NLGN1: variants seen among roughly 807,000 people sequenced by gnomAD.
NLGN1 encodes the protein neuroligin 1.
Under a neutral mutation model 65.5 loss-of-function variants are expected in NLGN1, and 12 were observed. The ratio of observed to expected loss-of-function variants is 0.18; its 90% CI spans 0.12 to 0.30. NLGN1 has a LOEUF of 0.30. NLGN1 is among the 10% of genes least tolerant of loss of function. The pLI is 1.00. For synonymous variants in NLGN1, 350 were observed against 359.5 expected, an observed-to-expected ratio of 0.97 and a Z score of 0.30; for missense variants, 750 against 1,007.1, an observed-to-expected ratio of 0.74 and a Z score of 3.46.
At chr3:173,599,600 A>G (rs1750092925) in intron 2 of NLGN1, among the ~76,000 whole-genome samples, 1 of 152,156 alleles carries the variant, frequency 6.6e-6, no homozygotes, top group South Asian at 2.1e-4. Context: ...CTTATTTGTT[A>G]AATTAGTATT....
chr3:174,022,465 G>A (rs989790916), intron 4 of NLGN1, among the ~76,000 whole-genome samples: 9 of 152,134 alleles, frequency 5.9e-5, no homozygotes, highest in African/African-American at 2.2e-4. Context: ...TTTAAACACA[G>A]CCAATAATGG....
chr3:174,009,025 A>G (rs990070353), intron 4 of NLGN1, among the ~76,000 whole-genome samples: 9 of 152,166 alleles, frequency 5.9e-5, no homozygotes, highest in Non-Finnish European at 8.8e-5. Flanking sequence ...TGACTTAGCA[A>G]TGAACATTGT....
chr3:174,252,234 A>T (rs1157800678), intron 4 of NLGN1, among the ~76,000 whole-genome samples: 1 of 152,168 alleles, frequency 6.6e-6, no homozygotes, highest in East Asian at 1.9e-4. Flanking sequence ...CTTGTCTAAA[A>T]TAGTTAAGTG....
chr3:173,918,012 A>C (rs1260467808), intron 4 of NLGN1, among the ~76,000 whole-genome samples: 1 of 152,186 alleles, frequency 6.6e-6, no homozygotes, highest in Non-Finnish European at 1.5e-5. Flanking sequence ...AAACTGCAGT[A>C]AGAACACGTA....
chr3:173,634,780 A>G (rs572976232), intron 3 of NLGN1, among the ~76,000 whole-genome samples: 2 of 152,288 alleles, frequency 1.3e-5, no homozygotes, highest in East Asian at 3.9e-4. Flanking sequence ...AGAGTAAGGT[A>G]GTTTCTTCCC....
At chr3:173,554,121 C>T (rs932189272) in intron 2 of NLGN1, among the ~76,000 whole-genome samples, 1 of 151,938 alleles carries the variant, frequency 6.6e-6, no homozygotes, top group Non-Finnish European at 1.5e-5. Context: ...TTTGAATCCA[C>T]TTTATTTTTA....
intron 2 of NLGN1, among the ~76,000 whole-genome samples, chr3:173,601,007 C>T (rs560364004): frequency 6.6e-6 from 1 of 151,960 alleles, no homozygotes; most frequent in South Asian, 2.1e-4. Flanking sequence ...ATTTATGATG[C>T]ACTTTTAATT....
intron 4 of NLGN1, among the ~76,000 whole-genome samples, chr3:174,058,475 G>T (rs1736658245): frequency 1.3e-5 from 2 of 152,032 alleles, no homozygotes; most frequent in South Asian, 4.1e-4. Flanking sequence ...AACACAGAGA[G>T]ATTTTCATCT....
chr3:174,055,150 C>CTTTTTTTTT, intron 4 of NLGN1, among the ~76,000 whole-genome samples: 1 of 117,608 alleles, frequency 8.5e-6, no homozygotes, highest in Non-Finnish European at 1.8e-5. Flanking sequence ...AAGGAGCTTG[C>CTTTTTTTTT]TTTTTTTTTT....
At chr3:173,744,630 G>T (rs916107475) in intron 3 of NLGN1, among the ~76,000 whole-genome samples, 11 of 152,194 alleles carry the variant, frequency 7.2e-5, no homozygotes, top group African/African-American at 2.6e-4. Flanking sequence ...TACCACCACC[G>T]TTAGAAAGCA....
intron 3 of NLGN1, chr3:173,644,212 G>A (rs1020297481): frequency 1.3e-5 from 2 of 152,506 alleles, no homozygotes; most frequent in African/African-American, 4.8e-5. Flanking sequence ...TAAACAAGGA[G>A]CCAGCCCCAG....
chr3:174,085,198 AT>A (rs1479779674), intron 4 of NLGN1, among the ~76,000 whole-genome samples: 1 of 151,996 alleles, frequency 6.6e-6, no homozygotes, highest in Non-Finnish European at 1.5e-5. Flanking sequence ...AATTTGTATT[AT>A]ATTCTCTTTA....
Position 174,016,112 on chromosome 3 carries a change from G to A in NLGN1, c.646+208280G>A, listed in dbSNP as rs1457032794. Among the ~76,000 whole-genome samples the A allele has an allele frequency of 2.0e-5, 3 of 152,134 alleles. No homozygotes were observed. In the East Asian group the frequency reaches 5.8e-4, roughly 29 times the overall value. ...TAATAATGTGACTCACAAAAATGGA[G>A]TTTCCAAGTATTCTGATTAATAACT... On this transcript the variant is annotated intron_variant, in intron 4 of 6. Coordinates refer to ENST00000457714, the Ensembl canonical transcript of NLGN1.
At chr3:174,262,183 A>G (rs1307451410) in intron 4 of NLGN1, among the ~76,000 whole-genome samples, 8 of 110,978 alleles carry the variant, frequency 7.2e-5, no homozygotes, top group South Asian at 3.5e-4. Flanking sequence ...TTGATATCAG[A>G]ATGATGCTGG....
At chr3:174,164,271 T>C (rs1218736815) in intron 4 of NLGN1, among the ~76,000 whole-genome samples, 3 of 151,794 alleles carry the variant, frequency 2.0e-5, no homozygotes, top group Non-Finnish European at 4.4e-5. Context: ...CTTTTGCCCA[T>C]TTTTTAATGA....
intron 3 of NLGN1, among the ~76,000 whole-genome samples, chr3:173,754,033 T>G (rs1488279801): frequency 1.2e-4 from 18 of 146,868 alleles, no homozygotes; most frequent in Non-Finnish European, 2.4e-4. Flanking sequence ...TCTTTTTTTT[T>G]TTTTGTTTTT....
At chr3:174,186,286 C>T (rs879812405) in intron 4 of NLGN1, among the ~76,000 whole-genome samples, 2 of 151,986 alleles carry the variant, frequency 1.3e-5, no homozygotes, top group African/African-American at 2.4e-5. Flanking sequence ...CTATAAAGTC[C>T]CATTGCTTTT....
chr3:174,120,253 C>T (rs1380094432), intron 4 of NLGN1, among the ~76,000 whole-genome samples: 6 of 151,836 alleles, frequency 4.0e-5, no homozygotes, highest in African/African-American at 9.7e-5. Flanking sequence ...TTTGGGAGGC[C>T]GAGGCAGGCA....
At chr3:173,794,035 G>A (rs953648344) in intron 3 of NLGN1, among the ~76,000 whole-genome samples, 2 of 151,858 alleles carry the variant, frequency 1.3e-5, no homozygotes, top group Admixed American at 6.6e-5. Flanking sequence ...TGACCTCCAG[G>A]CTTCCTCTCT....
Sources: gnomAD v4.1 joint callset for allele counts (sites outside exome capture counted in the v4.1 genomes callset) on GRCh38, gnomAD v4.1.1 for gene constraint, MANE v1.5 for transcripts, NCBI Gene and HGNC (gene_info 2026-07-23, HGNC 2026-07-21) for gene names.